DPH6: variants seen among roughly 807,000 people sequenced by gnomAD.
DPH6 encodes the protein diphthine--ammonia ligase.
A neutral mutation model predicts 38.2 loss-of-function variants in DPH6; 33 were observed. The observed-to-expected ratio is 0.86, with a 90% CI of 0.65 to 1.15. The LOEUF (loss-of-function observed/expected upper bound fraction) is 1.15, where lower values mean the gene tolerates loss of function less well. Ranked by LOEUF, DPH6 falls within the 50% of genes most tolerant of loss-of-function variation. The probability of loss-of-function intolerance (pLI) is 0.00; values close to 1 mark genes in which losing one functional copy is unlikely to be tolerated. For missense variants in DPH6, 325 were observed against 320.0 expected, an observed-to-expected ratio of 1.02 and a Z score of -0.12; for synonymous variants, 108 against 103.0, an observed-to-expected ratio of 1.05 and a Z score of -0.30.
At chr15:35,326,038 C>T (rs553423416), downstream of DPH6, among the ~76,000 whole-genome samples, 4 of 152,114 alleles carry the variant, frequency 2.6e-5, no homozygotes, top group Admixed American at 6.5e-5. Flanking sequence ...ATTTTAAAAA[C>T]CCGACAGTAC....
At chr15:35,274,190 G>A (rs185336196) in intron 3 of DPH6, among the ~76,000 whole-genome samples, 3 of 152,280 alleles carry the variant, frequency 2.0e-5, no homozygotes, top group Admixed American at 2.0e-4. Context: ...TGGGAAAACT[G>A]GCTAGCCAGA....
intron 7 of DPH6, among the ~76,000 whole-genome samples, chr15:35,377,237 G>A (rs2052793540): frequency 6.6e-6 from 1 of 152,094 alleles, no homozygotes; most frequent in East Asian, 1.9e-4. Context: ...ATATGAGTAG[G>A]TGGGGATGAA....
intron 3 of DPH6, among the ~76,000 whole-genome samples, chr15:35,507,365 C>T (rs1390437379): frequency 6.6e-6 from 1 of 151,780 alleles, no homozygotes; most frequent in Non-Finnish European, 1.5e-5. Context: ...TAGAAATGTC[C>T]TTGCTGAAAA....
the DPH6 span, among the ~76,000 whole-genome samples, chr15:35,149,868 C>T: frequency 1.3e-5 from 2 of 152,328 alleles, no homozygotes; most frequent in Admixed American, 1.3e-4. Flanking sequence ...TATGATTGCA[C>T]TAGAGGTGCA....
intron 3 of DPH6, chr15:35,237,628 A>G: frequency 1.6e-5 from 25 of 1,611,268 alleles, no homozygotes; most frequent in Non-Finnish European, 2.1e-5. Context: ...ACAAAATTAA[A>G]GACCTCAGCA....
intron 3 of DPH6, among the ~76,000 whole-genome samples, chr15:35,345,208 A>G (rs1215015776): frequency 6.6e-6 from 1 of 151,852 alleles, no homozygotes; most frequent in Non-Finnish European, 1.5e-5. Flanking sequence ...GATAAAATTA[A>G]TTTGTAAATT....
chr15:35,542,119 A>C (rs1341012489), intron 2 of DPH6, among the ~76,000 whole-genome samples: 1 of 152,116 alleles, frequency 6.6e-6, no homozygotes, highest in Admixed American at 6.6e-5. Context: ...TTGAAGTAAG[A>C]AGGTTCAAGT....
At chr15:35,432,702 A>C (rs1383071883) in intron 5 of DPH6, among the ~76,000 whole-genome samples, 4 of 152,200 alleles carry the variant, frequency 2.6e-5, no homozygotes, top group African/African-American at 7.2e-5. Context: ...ATTGGGGCTG[A>C]GAGGAAGAAA....
chr15:35,237,412 G>C, intron 3 of DPH6: 1 of 1,605,482 alleles, frequency 6.2e-7, no homozygotes. Context: ...ACAGTCGGTC[G>C]AATGAAGGCA....
At position 35,356,098 on chromosome 15, in the gene DPH6, G is replaced by A. The variant is rs148749229; in HGVS notation, n.207+17423C>T. On this transcript the variant is annotated intron_variant and non_coding_transcript_variant, in intron 3 of 3. Transcript: ENST00000558973. The stretch of plus-strand genomic sequence containing the variant: ...AATCGGTATTGAAGCTTGTGTATTC[G>A]TCACATAGTTCTCGTGCCGTAGTTT... Among the ~76,000 whole-genome samples, 69 of 152,040 alleles carry A rather than the reference G, an allele frequency of 4.5e-4. No individual in the cohort carries two copies. In the East Asian group the frequency reaches 0.011, roughly 25 times the overall value.
chr15:35,236,750 G>A (rs776450536), intron 3 of DPH6, among the ~76,000 whole-genome samples: 3 of 151,612 alleles, frequency 2.0e-5, no homozygotes, highest in Non-Finnish European at 4.4e-5. Flanking sequence ...TATCCTTTTT[G>A]TGGACCTGTA....
At chr15:35,378,641 C>T (rs899454699) in intron 7 of DPH6, among the ~76,000 whole-genome samples, 1 of 152,126 alleles carries the variant, frequency 6.6e-6, no homozygotes, top group Non-Finnish European at 1.5e-5. Context: ...GAATACTATG[C>T]AGCCAGAAAA....
At chr15:35,479,756 C>A (rs531399608) in intron 3 of DPH6, among the ~76,000 whole-genome samples, 1 of 152,176 alleles carries the variant, frequency 6.6e-6, no homozygotes, top group Admixed American at 6.6e-5. Context: ...GATCACTACA[C>A]TCTCTCTCTT....
the DPH6 span, among the ~76,000 whole-genome samples, chr15:35,163,496 T>C: frequency 1.3e-5 from 2 of 151,910 alleles, no homozygotes; most frequent in Non-Finnish European, 1.5e-5. Flanking sequence ...TTCATTCCGC[T>C]GTAAAAATGT....
chr15:35,145,584 C>T, the DPH6 span, among the ~76,000 whole-genome samples: 15 of 152,160 alleles, frequency 9.9e-5, no homozygotes, highest in African/African-American at 3.4e-4. Context: ...AACAAATGTT[C>T]CCTGTTCCTG....
intron 3 of DPH6, among the ~76,000 whole-genome samples, chr15:35,337,740 A>G (rs562680943): frequency 2.0e-5 from 3 of 152,292 alleles, no homozygotes; most frequent in South Asian, 4.1e-4. Context: ...CCGAAGCCAA[A>G]AGAACAAAGC....
the DPH6 span, among the ~76,000 whole-genome samples, chr15:35,185,513 T>C: frequency 6.6e-6 from 1 of 152,192 alleles, no homozygotes; most frequent in Non-Finnish European, 1.5e-5. Context: ...GCCTGGTATG[T>C]AGCTACAAGG....
chr15:35,185,004 T>C, the DPH6 span, among the ~76,000 whole-genome samples: 1 of 152,026 alleles, frequency 6.6e-6, no homozygotes, highest in Non-Finnish European at 1.5e-5. Flanking sequence ...TAATTAGAAA[T>C]TGACTAGGAA....
intron 3 of DPH6, among the ~76,000 whole-genome samples, chr15:35,470,152 C>T (rs991096808): frequency 6.6e-5 from 10 of 152,028 alleles, no homozygotes; most frequent in South Asian, 2.1e-4. Flanking sequence ...GAGCCGAGAT[C>T]GCACCACTAC....
Sources: gnomAD v4.1 joint callset for allele counts (sites outside exome capture counted in the v4.1 genomes callset) on GRCh38, gnomAD v4.1.1 for gene constraint, MANE v1.5 for transcripts, NCBI Gene and HGNC (gene_info 2026-07-23, HGNC 2026-07-21) for gene names.